The following DNAH7 variants were observed in gnomAD, a reference collection of about 807,000 sequenced individuals.
DNAH7 encodes dynein axonemal heavy chain 7, also known as axonemal beta dynein heavy chain 7.
Under a neutral mutation model 444.6 loss-of-function variants are expected in DNAH7, and 397 were observed. The observed-to-expected ratio is 0.89, with a 90% CI of 0.82 to 0.97. The LOEUF is 0.97. Among genes scored for constraint, DNAH7 ranks in the 50% least tolerant of loss-of-function variants. The pLI is 0.00. For synonymous variants in DNAH7, 1,636 were observed against 1,624.4 expected (o/e 1.01, Z -0.17); for missense variants, 4,902 against 4,800.8 (o/e 1.02, Z -0.62).
At chr2:195,790,439 A>G (rs1324757125) in intron 57 of DNAH7, among the ~76,000 whole-genome samples, 1 of 151,756 alleles carries the variant, frequency 6.6e-6, no homozygotes, top group Non-Finnish European at 1.5e-5. Context: ...ACAAGGCTAC[A>G]GTAACCAAAA....
chr2:195,931,529 T>C (rs1688695880), intron 21 of DNAH7, among the ~76,000 whole-genome samples: 1 of 151,758 alleles, frequency 6.6e-6, no homozygotes, highest in South Asian at 2.1e-4. Context: ...TTGCCTAGGT[T>C]TTCTTCTAGG....
At chr2:195,834,547 C>T (rs1698239227) in intron 47 of DNAH7, 187 bp from the exon 48 acceptor site, 3 of 443,574 alleles carry the variant, frequency 6.8e-6, no homozygotes, top group Non-Finnish European at 1.1e-5. Flanking sequence ...TGAACGGCAA[C>T]TACAGAAACC....
At chr2:195,981,681 T>C (rs1692583748) in intron 15 of DNAH7, among the ~76,000 whole-genome samples, 1 of 152,194 alleles carries the variant, frequency 6.6e-6, no homozygotes, top group African/African-American at 2.4e-5. Flanking sequence ...TGAACTCATT[T>C]TCGAGAAAAA....
chr2:195,785,797 T>G (rs1296033491), intron 58 of DNAH7, among the ~76,000 whole-genome samples: 3 of 152,152 alleles, frequency 2.0e-5, no homozygotes, highest in Non-Finnish European at 2.9e-5. Flanking sequence ...GAATATACCC[T>G]ACAAGTGTTC....
intron 64 of DNAH7, among the ~76,000 whole-genome samples, chr2:195,740,418 CA>C (rs1044618508): frequency 4.6e-5 from 7 of 152,094 alleles, no homozygotes; most frequent in Admixed American, 4.6e-4. Flanking sequence ...TGTCTTTAAA[CA>C]GACACAAAAT....
intron 31 of DNAH7, among the ~76,000 whole-genome samples, chr2:195,891,186 C>T (rs865787876): frequency 6.6e-6 from 1 of 152,164 alleles, no homozygotes; most frequent in Non-Finnish European, 1.5e-5. Context: ...TTCTAATATG[C>T]TAAAGGAAAA....
chr2:195,741,585 T>C (rs921468923), intron 63 of DNAH7, among the ~76,000 whole-genome samples: 3 of 152,264 alleles, frequency 2.0e-5, no homozygotes, highest in African/African-American at 7.2e-5. Flanking sequence ...ACCAAAGTTT[T>C]AGTTCCTAAT....
chr2:195,969,883 C>T, intron 17 of DNAH7, 65 bp downstream of exon 17: 1 of 1,512,696 alleles, frequency 6.6e-7, no homozygotes, highest in Non-Finnish European at 9.0e-7. Context: ...AGGTGAATAA[C>T]TAAAACGAAT....
rs772958383 is a variant in DNAH7, at chr2:196,058,104, T to C, written c.28A>G (p.Ser10Gly). 6.3e-7 allele frequency: 1 copy of C among 1,589,162 alleles called. No homozygotes were observed. Among genetic ancestry groups the C allele is most frequent in the Non-Finnish European group, 8.6e-7 (1 of 1,167,872 alleles). MSSEQDKSASKEKSKKPVRF... is the reference protein window; with the variant it reads MSSEQDKSAGKEKSKKPVRF... ...ACTGGTTTCTTGGATTTTTCTTTGC[T>C]GGCCGATTTATCCTGTATGAAAAAC... is the stretch of plus-strand genomic sequence containing the variant. Residue 10 changes from serine to glycine, a missense_variant, in exon 2 of 65, where the codon AGC becomes GGC. By Grantham distance (56) the Ser-to-Gly change is moderately conservative. Transcript: ENST00000312428.
intron 22 of DNAH7, 99 bp downstream of exon 22, chr2:195,926,327 A>G (rs957469272): frequency 2.7e-6 from 3 of 1,101,500 alleles, no homozygotes; most frequent in Non-Finnish European, 3.6e-6. Flanking sequence ...TAGATTTTTA[A>G]GTGAACTGTA....
chr2:195,966,701 A>C (rs1691500069), intron 17 of DNAH7, among the ~76,000 whole-genome samples: 1 of 151,972 alleles, frequency 6.6e-6, no homozygotes, highest in African/African-American at 2.4e-5. Flanking sequence ...GTTATATAAT[A>C]CTTTGTGTCT....
intron 24 of DNAH7, among the ~76,000 whole-genome samples, chr2:195,919,671 G>T (rs1009518672): frequency 1.3e-5 from 2 of 152,224 alleles, no homozygotes; most frequent in African/African-American, 4.8e-5. Flanking sequence ...TAAAGGAAGA[G>T]AATTAAATAA....
Position 195,816,857 on chromosome 2 carries a change from A to G in DNAH7, c.9532T>C (p.Leu3178=). 1 of 1,614,148 alleles carries G rather than the reference A, an allele frequency of 6.2e-7. No homozygotes were observed. The highest frequency in any genetic ancestry group is 8.5e-7 in the Non-Finnish European group (1 of 1,179,994). Residue 3178 remains leucine, a synonymous_variant, in exon 51 of 65, where the codon TTG becomes CTG. Coordinates refer to ENST00000312428, the MANE Select transcript of DNAH7 (RefSeq NM_018897.3). Reference sequence around the variant, plus strand: ...TGCTTCTGAGAAATCTCATTAGCCAAGGCCTTGGAGGAAGATAATATCTTA... The same window carrying G: ...TGCTTCTGAGAAATCTCATTAGCCAGGGCCTTGGAGGAAGATAATATCTTA... ...AIKILSSSKA[L]ANEISQKQEV...
In DNAH7 at chr2:195,888,270, T is replaced by G. The variant is rs1318505454; in HGVS notation, c.5394A>C (p.Arg1798Ser). The change falls in exon 33 of 65, where the codon AGA (arginine) becomes AGC (serine). Residue 1798 changes from arginine (R) to serine (S), a missense_variant. Arg to Ser is a moderately radical substitution (Grantham distance 110). Coordinates refer to ENST00000312428, the MANE Select transcript of DNAH7 (RefSeq NM_018897.3). ...TCATTTCCCTTACCTTTGTATGCTT[T>G]CTAATAAATTCAACCGAAACAGGGA... The part of the protein sequence containing the change: ...RMVPVSVEFI[R>S]KHTKELSPTS... 6.2e-7 allele frequency: 1 copy of G among 1,609,126 alleles called. No individual in the cohort carries two copies. Among genetic ancestry groups the G allele is most frequent in the Non-Finnish European group, 8.5e-7 (1 of 1,178,362 alleles).
At chr2:195,744,417 GCAGGGCA>G (rs992029029) in intron 63 of DNAH7, among the ~76,000 whole-genome samples, 3 of 152,192 alleles carry the variant, frequency 2.0e-5, no homozygotes, top group Non-Finnish European at 4.4e-5. Context: ...ACCTCTGGGG[GCAGGGCA>G]CAGACAAACA....
intron 63 of DNAH7, among the ~76,000 whole-genome samples, chr2:195,749,963 T>C (rs931083406): frequency 5.3e-5 from 8 of 151,698 alleles, no homozygotes; most frequent in East Asian, 1.9e-4. Context: ...GCACATGTAC[T>C]CTAAAACTTA....
chr2:195,978,176 A>C (rs1358319334), intron 15 of DNAH7, among the ~76,000 whole-genome samples: 3 of 152,102 alleles, frequency 2.0e-5, no homozygotes, highest in African/African-American at 7.2e-5. Flanking sequence ...AACTGGTAAA[A>C]AATAACTACA....
In DNAH7 at chr2:196,019,355, AC is replaced by A. The variant is rs555892312; in HGVS notation, c.744-61del. ...AAAAAAGTATTTTTATAGTAACTGTACATTTTGGGTAATAATTATTTAATTT... is the reference window on the plus strand; with the variant it reads ...AAAAAAGTATTTTTATAGTAACTGTAATTTTGGGTAATAATTATTTAATTT... On this transcript the variant is annotated intron_variant, in intron 8 of 64. Transcript: ENST00000312428. 16 of 1,304,338 alleles carry A rather than the reference AC, an allele frequency of 1.2e-5. No individual in the cohort carries two copies. The African/African-American group carries it at 2.3e-4, about 18-fold the overall frequency. The allele number at this position is 1,304,338 out of a possible 1,614,324, so 80.8% of individuals were successfully genotyped here.
chr2:195,977,829 G>C (rs1450481668), intron 15 of DNAH7, among the ~76,000 whole-genome samples: 1 of 152,284 alleles, frequency 6.6e-6, no homozygotes, highest in South Asian at 2.1e-4. Flanking sequence ...ACCCAGCAAA[G>C]AGTGGCATGA....
Sources: gnomAD v4.1 joint callset for allele counts (sites outside exome capture counted in the v4.1 genomes callset) on GRCh38, gnomAD v4.1.1 for gene constraint, MANE v1.5 for transcripts, NCBI Gene and HGNC (gene_info 2026-07-23, HGNC 2026-07-21) for gene names.